PPP1R1C: variants seen among roughly 807,000 people sequenced by gnomAD.
The protein encoded by PPP1R1C is protein phosphatase 1 regulatory subunit 1C.
Under a neutral mutation model 17.4 loss-of-function variants are expected in PPP1R1C, and 15 were observed. That is an observed-to-expected ratio of 0.86 (90% confidence interval 0.58 to 1.33). PPP1R1C has a LOEUF of 1.33. Ranked by LOEUF, PPP1R1C falls within the 40% of genes most tolerant of loss-of-function variation. The pLI, the probability that PPP1R1C is intolerant of heterozygous loss-of-function variation, is 0.00. For missense variants in PPP1R1C, 143 were observed against 130.0 expected, an observed-to-expected ratio of 1.10 and a Z score of -0.48; for synonymous variants, 35 against 43.1, an observed-to-expected ratio of 0.81 and a Z score of 0.73.
chr2:182,038,047 T>G (rs1687065995), intron 2 of PPP1R1C, among the ~76,000 whole-genome samples: 1 of 152,040 alleles, frequency 6.6e-6, no homozygotes, highest in Non-Finnish European at 1.5e-5. Context: ...TTATTTTATA[T>G]ATATATTTGA....
At chr2:182,027,957 G>A (rs1428234767) in intron 2 of PPP1R1C, among the ~76,000 whole-genome samples, 1 of 129,572 alleles carries the variant, frequency 7.7e-6, no homozygotes, top group Non-Finnish European at 1.6e-5. Flanking sequence ...TATGTGTCGA[G>A]GAATTTATCC....
intron 4 of PPP1R1C, among the ~76,000 whole-genome samples, chr2:182,090,585 G>A (rs1397655418): frequency 1.3e-5 from 2 of 152,038 alleles, no homozygotes; most frequent in Admixed American, 6.6e-5. Flanking sequence ...TAAATGCTGT[G>A]CTTAATATTT....
At chr2:182,004,722 G>T (rs534839829) in intron 2 of PPP1R1C, among the ~76,000 whole-genome samples, 2 of 152,288 alleles carry the variant, frequency 1.3e-5, no homozygotes, top group East Asian at 3.9e-4. Flanking sequence ...CAGCAGGAGG[G>T]CTCACCAGCA....
chr2:182,052,583 A>T (rs2701670), intron 2 of PPP1R1C, among the ~76,000 whole-genome samples: 6,525 of 152,280 alleles, frequency 0.043, 427 homozygotes, highest in Admixed American at 0.18. Context: ...ACAATCCTAC[A>T]TTCTCCTCTG....
At chr2:182,030,324 T>G (rs1054825864) in intron 2 of PPP1R1C, among the ~76,000 whole-genome samples, 10 of 152,328 alleles carry the variant, frequency 6.6e-5, no homozygotes, top group Admixed American at 2.0e-4. Flanking sequence ...CTGTTCTGTT[T>G]TTTCCCCATC....
In PPP1R1C at chr2:182,091,582, G is replaced by A. The variant is rs887077290; in HGVS notation, c.242-25625G>A. ...TATTTCTAGGATAGAAGATACTTGA[G>A]TTATGTTTTGTAAACTGAAGGGAAG... On this transcript the variant is annotated intron_variant, in intron 4 of 4. Transcript: ENST00000682840. 9.9e-5 allele frequency among the ~76,000 whole-genome samples: 15 copies of A among 152,090 alleles called. 1 individual carries two copies. Among genetic ancestry groups the A allele is most frequent in the Non-Finnish European group, 1.3e-4 (9 of 68,024 alleles).
intron 2 of PPP1R1C, among the ~76,000 whole-genome samples, chr2:181,988,588 C>A (rs761590721): frequency 1.3e-5 from 2 of 152,144 alleles, no homozygotes; most frequent in African/African-American, 4.8e-5. Flanking sequence ...TCTGGATATA[C>A]AAGTAGGATA....
intron 2 of PPP1R1C, among the ~76,000 whole-genome samples, chr2:182,049,892 T>G (rs1687459350): frequency 6.6e-6 from 1 of 152,174 alleles, no homozygotes; most frequent in Non-Finnish European, 1.5e-5. Flanking sequence ...AGAGACAAAT[T>G]GCATGTTTTA....
At chr2:182,016,026 C>T (rs1191915105) in intron 2 of PPP1R1C, among the ~76,000 whole-genome samples, 8 of 152,180 alleles carry the variant, frequency 5.3e-5, no homozygotes, top group Non-Finnish European at 7.3e-5. Flanking sequence ...CCTAGATTGC[C>T]TTTCAAACAT....
At position 181,957,154 on chromosome 2, in the gene PPP1R1C, G is replaced by A. The variant is rs1173007307; in HGVS notation, n.111+2520G>A. Among the ~76,000 whole-genome samples the A allele has an allele frequency of 1.3e-5, 2 of 152,162 alleles. No homozygotes were observed. The highest frequency in any genetic ancestry group is 2.9e-5 in the Non-Finnish European group (2 of 68,036). On this transcript the variant is annotated intron_variant and non_coding_transcript_variant, in intron 1 of 5. Transcript: ENST00000464264. The surrounding 1 kb of genome is among the most constrained non-coding windows in gnomAD (Gnocchi z 4.2). Reference sequence around the variant, plus strand: ...GTGGGCGGATTATCTGAGGTCAGGAGTTCGAGAACAGCCTGGCCAAAATGA... The same window carrying A: ...GTGGGCGGATTATCTGAGGTCAGGAATTCGAGAACAGCCTGGCCAAAATGA...
At chr2:182,117,127 T>C in intron 4 of PPP1R1C, 80 bp from the exon 5 acceptor site, 1 of 1,009,546 alleles carries the variant, frequency 9.9e-7, no homozygotes. Flanking sequence ...TTGCACTCTT[T>C]TCTTTATCTT....
intron 4 of PPP1R1C, among the ~76,000 whole-genome samples, chr2:182,080,060 C>T (rs906110903): frequency 2.6e-5 from 4 of 152,176 alleles, no homozygotes; most frequent in Non-Finnish European, 5.9e-5. Flanking sequence ...CTATTCAACC[C>T]AATACATACC....
At chr2:182,096,722 G>C (rs1400004) in intron 4 of PPP1R1C, among the ~76,000 whole-genome samples, 44,270 of 152,008 alleles carry the variant, frequency 0.29, 8,100 homozygotes, top group African/African-American at 0.52. Context: ...CCAACAGTGA[G>C]AGTGAAGGCC....
chr2:182,108,200 T>C (rs1316472703), intron 4 of PPP1R1C, among the ~76,000 whole-genome samples: 1 of 151,788 alleles, frequency 6.6e-6, no homozygotes, highest in Non-Finnish European at 1.5e-5. Context: ...CAGTTTACTG[T>C]ATTTCAAATA....
At chr2:181,963,328 T>C (rs535590717) in intron 1 of PPP1R1C, among the ~76,000 whole-genome samples, 4 of 152,272 alleles carry the variant, frequency 2.6e-5, no homozygotes, top group Admixed American at 6.5e-5. Flanking sequence ...AATTTCAGAA[T>C]ACCAAGGATA....
Position 181,985,976 on chromosome 2 carries a change from T to G in PPP1R1C, c.-135T>G. On this transcript the variant is annotated 5_prime_UTR_variant, in exon 1 of 5. Coordinates refer to ENST00000682840, the MANE Select transcript of PPP1R1C (RefSeq NM_001080545.3). The surrounding 1 kb of genome is among the most constrained non-coding windows in gnomAD (Gnocchi z 4.1). Reference sequence around the variant, plus strand: ...AACCTCGGCATCTTCACTTGCTCGATCTGGAATTACAGCTATTTATTACGA... The same window carrying G: ...AACCTCGGCATCTTCACTTGCTCGAGCTGGAATTACAGCTATTTATTACGA... The G allele has an allele frequency of 1.4e-6, 1 of 711,704 alleles. No individual in the cohort carries two copies. The highest frequency in any genetic ancestry group is 1.7e-5 in the South Asian group (1 of 59,360). 44.1% of individuals were successfully genotyped at this position (711,704 alleles called of 1,614,324 possible). A position where few individuals can be genotyped will look rare whatever the true frequency, so the allele number is the denominator to read the frequency against.
chr2:182,002,766 A>G (rs1685802948), intron 2 of PPP1R1C, among the ~76,000 whole-genome samples: 1 of 152,130 alleles, frequency 6.6e-6, no homozygotes, highest in South Asian at 2.1e-4. Context: ...TCAAAATTTA[A>G]ATATTCTAAT....
intron 4 of PPP1R1C, among the ~76,000 whole-genome samples, chr2:182,088,696 G>T (rs919318749): frequency 6.6e-6 from 1 of 152,186 alleles, no homozygotes; most frequent in East Asian, 1.9e-4. Context: ...AAGTTGCATC[G>T]GTATTCCAAC....
chr2:182,031,655 T>C (rs1165308615), intron 2 of PPP1R1C, among the ~76,000 whole-genome samples: 4 of 152,218 alleles, frequency 2.6e-5, no homozygotes, highest in Non-Finnish European at 4.4e-5. Context: ...TTATCAAATA[T>C]CATTTTAGTC....
Sources: allele counts gnomAD v4.1 joint callset (sites outside exome capture counted in the v4.1 genomes callset), GRCh38; gene constraint gnomAD v4.1.1; non-coding constraint Gnocchi (gnomAD v3.1); transcripts MANE v1.5; gene names NCBI Gene and HGNC (gene_info 2026-07-23, HGNC 2026-07-21).